The following ZNF704 variants were observed in gnomAD, a reference collection of about 807,000 sequenced individuals.
ZNF704 encodes zinc finger protein 704, also known as glucocorticoid induced gene 1.
Under a neutral mutation model 44.7 loss-of-function variants are expected in ZNF704, and 10 were observed. The ratio of observed to expected loss-of-function variants is 0.22; its 90% CI spans 0.14 to 0.38. The LOEUF (loss-of-function observed/expected upper bound fraction) is 0.38. ZNF704 is among the 10% of genes least tolerant of loss of function. ZNF704 has a pLI of 1.00. For synonymous variants in ZNF704, 211 were observed against 207.6 expected, an observed-to-expected ratio of 1.02 and a Z score of -0.14; for missense variants, 390 against 545.5, an observed-to-expected ratio of 0.71 and a Z score of 2.84.
In ZNF704 at chr8:80,637,021, AC is replaced by A. The variant is rs1308243872; in HGVS notation, c.*4344del. The A allele has an allele frequency of 6.6e-6, 1 of 152,218 alleles. No individual in the cohort carries two copies. Among genetic ancestry groups the A allele is most frequent in the African/African-American group, 2.4e-5 (1 of 41,436 alleles). 9.4% of individuals were successfully genotyped at this position (152,218 alleles called of 1,614,324 possible). A position where few individuals can be genotyped will look rare whatever the true frequency, so the allele number is the denominator to read the frequency against. On this transcript the variant is annotated 3_prime_UTR_variant, in exon 9 of 9. Coordinates refer to ENST00000327835, the MANE Select transcript of ZNF704 (RefSeq NM_001033723.3). ...CACAATTACATTCAGAAAAAGCCTT[AC>A]GTGAGTCTAGGAATACCACCCCCAC...
intron 1 of ZNF704, among the ~76,000 whole-genome samples, chr8:80,830,744 T>C (rs1479591406): frequency 2.8e-5 from 4 of 140,862 alleles, no homozygotes; most frequent in Admixed American, 2.8e-4. Flanking sequence ...ATAGAGGGTG[T>C]GTTTCTTTCT....
chr8:80,846,440 C>A lies in ZNF704; in HGVS notation c.-21-24825G>T, dbSNP rs186891368. On this transcript the variant is annotated intron_variant, in intron 1 of 8. Coordinates refer to ENST00000327835, the MANE Select transcript of ZNF704 (RefSeq NM_001033723.3). ...CACACACACACACACGTTAATTCTTCTACTTTGAGGATACTATTACCAGTT... is the reference window on the plus strand; with the variant it reads ...CACACACACACACACGTTAATTCTTATACTTTGAGGATACTATTACCAGTT... 1.1e-3 allele frequency among the ~76,000 whole-genome samples: 159 copies of A among 151,284 alleles called. 1 individual carries two copies. The highest frequency in any genetic ancestry group is 2.1e-3 in the Non-Finnish European group (139 of 67,720).
At chr8:80,785,980 C>T (rs967249918) in intron 2 of ZNF704, among the ~76,000 whole-genome samples, 15 of 152,142 alleles carry the variant, frequency 9.9e-5, no homozygotes, top group Admixed American at 7.2e-4. Flanking sequence ...GGCATCTAGG[C>T]CAGGTGTGGT....
At position 80,666,247 on chromosome 8, in the gene ZNF704, G is replaced by A. The variant is rs535282806; in HGVS notation, c.660-1165C>T. On this transcript the variant is annotated intron_variant, in intron 5 of 8. Coordinates refer to ENST00000327835, the MANE Select transcript of ZNF704 (RefSeq NM_001033723.3). ...TTTTGTTCTTGCGATAGTTTACTGAGAATGATGATTTCCAATTTCATCCAT... is the reference window on the plus strand; with the variant it reads ...TTTTGTTCTTGCGATAGTTTACTGAAAATGATGATTTCCAATTTCATCCAT... 5.0e-3 allele frequency among the ~76,000 whole-genome samples: 752 copies of A among 149,522 alleles called. 7 individuals carry two copies. The highest frequency in any genetic ancestry group is 0.018 in the African/African-American group (734 of 40,744).
At chr8:80,857,428 G>T (rs1191633201) in intron 1 of ZNF704, among the ~76,000 whole-genome samples, 1 of 152,132 alleles carries the variant, frequency 6.6e-6, no homozygotes, top group Non-Finnish European at 1.5e-5. Flanking sequence ...TCATGAATGA[G>T]TATTGAACTT....
chr8:80,796,427 C>T (rs776665188), intron 2 of ZNF704, among the ~76,000 whole-genome samples: 5 of 152,218 alleles, frequency 3.3e-5, no homozygotes, highest in Non-Finnish European at 5.9e-5. Context: ...TTAAAGAGAT[C>T]TCTATCATCT....
chr8:80,734,374 T>A (rs891269726), intron 2 of ZNF704, among the ~76,000 whole-genome samples: 4 of 152,206 alleles, frequency 2.6e-5, no homozygotes, highest in African/African-American at 9.6e-5. Context: ...TACCTAATGG[T>A]TAGTTACCTA....
chr8:80,696,330 T>A (rs552191951), intron 2 of ZNF704, among the ~76,000 whole-genome samples: 1 of 152,246 alleles, frequency 6.6e-6, no homozygotes, highest in Non-Finnish European at 1.5e-5. Flanking sequence ...TTGAATAGTA[T>A]GGGACTTAAA....
At chr8:80,862,433 T>C (rs1429845285) in intron 1 of ZNF704, among the ~76,000 whole-genome samples, 1 of 151,772 alleles carries the variant, frequency 6.6e-6, no homozygotes, top group Non-Finnish European at 1.5e-5. Flanking sequence ...AGATCTCTTT[T>C]AGATATCTTT....
At chr8:80,679,598 C>T (rs1246565082) in intron 4 of ZNF704, among the ~76,000 whole-genome samples, 1 of 152,184 alleles carries the variant, frequency 6.6e-6, no homozygotes, top group East Asian at 1.9e-4. Context: ...AAAATTCACA[C>T]CAGTGGAAAG....
chr8:80,669,299 G>A (rs1023766605), intron 5 of ZNF704, among the ~76,000 whole-genome samples: 2 of 152,310 alleles, frequency 1.3e-5, no homozygotes, highest in Admixed American at 1.3e-4. Context: ...GGGAGACACT[G>A]CAGGATTTCC....
At chr8:80,743,291 T>G (rs1806794104) in intron 2 of ZNF704, among the ~76,000 whole-genome samples, 1 of 150,098 alleles carries the variant, frequency 6.7e-6, no homozygotes, top group African/African-American at 2.5e-5. Flanking sequence ...TTCTTATCAG[T>G]GCAAAGGTTA....
chr8:80,658,945 G>A (rs890900922), intron 7 of ZNF704: 2 of 152,406 alleles, frequency 1.3e-5, no homozygotes, highest in Non-Finnish European at 2.9e-5. Context: ...GTGCATGCAT[G>A]TGGCTGTTCT....
chr8:80,773,179 T>C (rs145759358), intron 2 of ZNF704, among the ~76,000 whole-genome samples: 2 of 152,350 alleles, frequency 1.3e-5, no homozygotes, highest in African/African-American at 4.8e-5. Flanking sequence ...ATGGACTGTT[T>C]GTTTCACTGT....
rs989630768 is a variant in ZNF704 at position 80,632,449 on chromosome 8, C to G, written c.*8917G>C. 6.6e-6 allele frequency: 1 copy of G among 152,198 alleles called. No individual in the cohort carries two copies. 9.4% of individuals were successfully genotyped at this position (152,198 alleles called of 1,614,324 possible). On this transcript the variant is annotated 3_prime_UTR_variant, in exon 9 of 9. Transcript: ENST00000327835. The stretch of plus-strand genomic sequence containing the variant: ...CAAGTGATCCATCTGCCTTGGACTC[C>G]CAAAGTGCTGGGATTATAGGCGTGA...
chr8:80,873,239 T>C (rs1457472448), intron 1 of ZNF704, among the ~76,000 whole-genome samples: 1 of 152,042 alleles, frequency 6.6e-6, no homozygotes, highest in Non-Finnish European at 1.5e-5. Flanking sequence ...ATCACCCAAG[T>C]TCCCCACCTC....
intron 2 of ZNF704, among the ~76,000 whole-genome samples, chr8:80,820,175 T>A (rs1808245274): frequency 6.6e-6 from 1 of 152,212 alleles, no homozygotes; most frequent in African/African-American, 2.4e-5. Context: ...CCCCAGAACA[T>A]AATTAAGCAC....
intron 2 of ZNF704, among the ~76,000 whole-genome samples, chr8:80,730,183 TAAAAG>T (rs1403050077): frequency 6.6e-6 from 1 of 152,132 alleles, no homozygotes; most frequent in African/African-American, 2.4e-5. Flanking sequence ...CTTTTACAGT[TAAAAG>T]AAGAAACACG....
chr8:80,658,588 GTGT>G (rs1159818150), intron 7 of ZNF704: 3 of 152,204 alleles, frequency 2.0e-5, no homozygotes, highest in Non-Finnish European at 2.9e-5. Context: ...CAGACCCATG[GTGT>G]TGTTTACAAA....
Sources: allele counts gnomAD v4.1 joint callset (sites outside exome capture counted in the v4.1 genomes callset), GRCh38; gene constraint gnomAD v4.1.1; transcripts MANE v1.5; gene names NCBI Gene and HGNC (gene_info 2026-07-23, HGNC 2026-07-21).